SLCO4A1: variants seen among roughly 807,000 people sequenced by gnomAD.
SLCO4A1 encodes solute carrier organic anion transporter family member 4A1, also known as colon organic anion transporter.
Under a neutral mutation model 64.6 loss-of-function variants are expected in SLCO4A1, and 51 were observed. That is an observed-to-expected ratio of 0.79 (90% CI 0.63 to 1.00). The LOEUF (loss-of-function observed/expected upper bound fraction) is 1.00. SLCO4A1 is among the 50% of genes least tolerant of loss of function. The pLI is 0.00. For synonymous variants in SLCO4A1, 471 were observed against 444.9 expected (o/e 1.06, Z -0.74); for missense variants, 919 against 980.5 (o/e 0.94, Z 0.84).
At chr20:62,685,851 A>G (rs1251461750), downstream of SLCO4A1, 1 of 152,218 alleles carries the variant, frequency 6.6e-6, no homozygotes, top group Non-Finnish European at 1.5e-5. The surrounding 1 kb of genome is among the most constrained non-coding windows in gnomAD (Gnocchi z 4.6). Context: ...TTCCTCCAGG[A>G]AGCCCTCCGT....
Position 62,671,869 on chromosome 20 carries a change from TAGCC to T in SLCO4A1, c.2149_2152del (p.Gln717SerfsTer45). 10 of 1,612,866 alleles carry T rather than the reference TAGCC, an allele frequency of 6.2e-6. No individual in the cohort carries two copies. Among genetic ancestry groups the T allele is most frequent in the Non-Finnish European group, 7.6e-6 (9 of 1,180,028 alleles). On this transcript the variant is annotated frameshift_variant, in exon 12 of 12. Transcript: ENST00000217159. LOFTEE classifies it high-confidence loss of function. ...CCTCAGCCCCTGACAGTGCCACAGA[TAGCC>T]AGCTCCAGAGCAGCGTCTGACCACC...
downstream of SLCO4A1, among the ~76,000 whole-genome samples, chr20:62,675,405 G>A (rs2147111976): frequency 6.6e-6 from 1 of 152,274 alleles, no homozygotes; most frequent in Non-Finnish European, 1.5e-5. Flanking sequence ...GCTCCCAAGA[G>A]CTGCGGGGTC....
chr20:62,676,943 G>T (rs961889921), downstream of SLCO4A1, among the ~76,000 whole-genome samples: 11 of 152,238 alleles, frequency 7.2e-5, no homozygotes, highest in African/African-American at 2.7e-4. Flanking sequence ...CACACAGTGG[G>T]TCTTGCTTGG....
At chr20:62,669,395 C>T (rs1460414486) in intron 11 of SLCO4A1, among the ~76,000 whole-genome samples, 3 of 152,192 alleles carry the variant, frequency 2.0e-5, no homozygotes, top group Non-Finnish European at 4.4e-5. Flanking sequence ...CCGGGATGCC[C>T]GTTAACTAAA....
intron 2 of SLCO4A1, among the ~76,000 whole-genome samples, chr20:62,683,527 C>T (rs1987928792): frequency 6.6e-6 from 1 of 152,154 alleles, no homozygotes; most frequent in African/African-American, 2.4e-5. Flanking sequence ...AATGTTCAGG[C>T]CAGTGATGAA....
chr20:62,661,041 C>CCCCCCCCCCCCCCACAA lies in SLCO4A1; in HGVS notation c.1010-23_1010-22insCCCCCCCCCCCCCACAA. 10 of 1,424,136 alleles carry CCCCCCCCCCCCCCACAA rather than the reference C, an allele frequency of 7.0e-6. No individual in the cohort carries two copies. Among genetic ancestry groups the CCCCCCCCCCCCCCACAA allele is most frequent in the Non-Finnish European group, 9.9e-6 (10 of 1,010,134 alleles). 88.2% of individuals were successfully genotyped at this position (1,424,136 alleles called of 1,614,324 possible). A position where few individuals can be genotyped will look rare whatever the true frequency, so the allele number is the denominator to read the frequency against. ...TCCGGGAGCCCCCAGCCCCCAGCCC[C>CCCCCCCCCCCCCCACAA]AGCTCACTCTGTGCCCTTCCAGGCT... On this transcript the variant is annotated intron_variant, in intron 4 of 11. Coordinates refer to ENST00000217159, the MANE Select transcript of SLCO4A1 (RefSeq NM_016354.4). This position sits in a 1 kb window ranked among gnomAD's most constrained non-coding sequence, Gnocchi z 5.2.
chr20:62,678,364 C>T (rs1460659318), intron 2 of SLCO4A1, among the ~76,000 whole-genome samples: 1 of 152,134 alleles, frequency 6.6e-6, no homozygotes, highest in South Asian at 2.1e-4. Flanking sequence ...AACACTCACC[C>T]GTCGCCGGTA....
intron 4 of SLCO4A1, 134 bp downstream of exon 4, chr20:62,660,667 G>C: frequency 1.8e-6 from 2 of 1,137,278 alleles, no homozygotes; most frequent in Non-Finnish European, 1.3e-6. Context: ...CATTCTCAGT[G>C]TTCTTCCCAT....
Position 62,665,209 on chromosome 20 carries a change from C to T in SLCO4A1, c.1276+121C>T, listed in dbSNP as rs545395439. ...CATGGCAGTGAGTGCCCTCCCACCC[C>T]CGCTGCCAGAGCAGGTGTGGAGAGC... On this transcript the variant is annotated intron_variant, in intron 6 of 11. Transcript: ENST00000217159. 5 of 1,153,042 alleles carry T rather than the reference C, an allele frequency of 4.3e-6. No individual in the cohort carries two copies. In the South Asian group the frequency reaches 4.6e-5, roughly 10 times the overall value. 71.4% of individuals were successfully genotyped at this position (1,153,042 alleles called of 1,614,324 possible).
intron 1 of SLCO4A1, among the ~76,000 whole-genome samples, chr20:62,653,670 T>G (rs1983061196): frequency 6.6e-6 from 1 of 152,178 alleles, no homozygotes; most frequent in South Asian, 2.1e-4. Flanking sequence ...AGGTCATCTC[T>G]CTGGGCCCTC....
chr20:62,652,620 G>T (rs1434108338), intron 1 of SLCO4A1, among the ~76,000 whole-genome samples: 1 of 152,216 alleles, frequency 6.6e-6, no homozygotes, highest in African/African-American at 2.4e-5. Flanking sequence ...GGGAGGCGTG[G>T]AGCATTGCTC....
chr20:62,661,133 C>A lies in SLCO4A1; in HGVS notation c.1079C>A (p.Ala360Glu). 6.3e-7 allele frequency: 1 copy of A among 1,591,622 alleles called. No individual in the cohort carries two copies. The highest frequency in any genetic ancestry group is 8.6e-7 in the Non-Finnish European group (1 of 1,165,906). ...TTGAAGGACAGCAGCCGTGGGGAGG[C>A]GAGCAACCCGGACTTTGGGAAAACC... ...HQLKDSSRGE[A>E]SNPDFGKTIR... Residue 360 changes from alanine (A) to glutamate (E), a missense_variant, in exon 5 of 12, where the codon GCG becomes GAG. By Grantham distance (107) the Ala-to-Glu change is moderately radical. Transcript: ENST00000217159. The surrounding 1 kb of genome is among the most constrained non-coding windows in gnomAD (Gnocchi z 5.2).
intron 1 of SLCO4A1, among the ~76,000 whole-genome samples, chr20:62,655,720 G>A (rs1345530532): frequency 2.0e-5 from 3 of 152,188 alleles, no homozygotes; most frequent in African/African-American, 4.8e-5. Context: ...CTTGGCGGCC[G>A]GGGGTGTTTC....
chr20:62,668,762 C>G (rs757590517), intron 10 of SLCO4A1, among the ~76,000 whole-genome samples, 168 bp from the exon 11 acceptor site: 1 of 152,184 alleles, frequency 6.6e-6, no homozygotes, highest in Non-Finnish European at 1.5e-5. Flanking sequence ...AGCCCCAATG[C>G]CGAATGCCCA....
intron 2 of SLCO4A1, among the ~76,000 whole-genome samples, chr20:62,678,488 G>C (rs1040842560): frequency 6.7e-6 from 1 of 150,176 alleles, no homozygotes; most frequent in African/African-American, 2.5e-5. Flanking sequence ...GCAAAATTAT[G>C]TTCACACAAA....
chr20:62,675,208 G>A (rs1987531307), downstream of SLCO4A1, among the ~76,000 whole-genome samples: 2 of 152,298 alleles, frequency 1.3e-5, no homozygotes, highest in South Asian at 4.1e-4. Context: ...CCCCCAAAGC[G>A]ACTGGGTGTA....
chr20:62,668,337 T>C, intron 9 of SLCO4A1, 140 bp from the exon 10 acceptor site: 1 of 1,260,032 alleles, frequency 7.9e-7, no homozygotes, highest in Non-Finnish European at 1.2e-6. Flanking sequence ...TCACTGTCTC[T>C]GATCTCTGAC....
At chr20:62,643,108 A>T in intron 1 of SLCO4A1, 1 of 449,230 alleles carries the variant, frequency 2.2e-6, no homozygotes, top group Non-Finnish European at 4.6e-6. Context: ...GAGGCGCTCG[A>T]GACATCTCCG....
At chr20:62,680,649 A>G (rs1029586525) in intron 2 of SLCO4A1, among the ~76,000 whole-genome samples, 3 of 151,396 alleles carry the variant, frequency 2.0e-5, no homozygotes, top group Non-Finnish European at 2.9e-5. Context: ...CCCACAGTAG[A>G]TCTTCAGTGT....
Sources: gnomAD v4.1 joint callset for allele counts (sites outside exome capture counted in the v4.1 genomes callset) on GRCh38, gnomAD v4.1.1 for gene constraint, Gnocchi (gnomAD v3.1) non-coding constraint, MANE v1.5 for transcripts, NCBI Gene and HGNC (gene_info 2026-07-23, HGNC 2026-07-21) for gene names.